INAVA: variants seen among roughly 807,000 people sequenced by gnomAD.
The protein encoded by INAVA is innate immunity activator.
INAVA carries 32 observed loss-of-function variants against 55.3 expected under a neutral mutation model. That is an observed-to-expected ratio of 0.58 (90% CI 0.44 to 0.78). The LOEUF is 0.78. Among genes scored for constraint, INAVA ranks in the 30% least tolerant of loss-of-function variants. The probability of loss-of-function intolerance (pLI) is 0.00; values close to 1 mark genes in which losing one functional copy is unlikely to be tolerated. For synonymous variants in INAVA, 294 were observed against 329.4 expected (o/e 0.89, Z 1.16); for missense variants, 756 against 786.4 (o/e 0.96, Z 0.46).
intron 5 of INAVA, 42 bp from the exon 6 acceptor site, chr1:200,907,792 T>C (rs1383522876): frequency 6.3e-7 from 1 of 1,577,290 alleles, no homozygotes. Context: ...TGTTTGTTCA[T>C]TTCTTCACTT....
intron 5 of INAVA, among the ~76,000 whole-genome samples, chr1:200,905,044 ATCTT>A (rs1346001931): frequency 2.0e-5 from 3 of 152,266 alleles, no homozygotes; most frequent in Admixed American, 6.5e-5. Context: ...CCCAATGAAA[ATCTT>A]TATTCCTAAG....
At position 200,899,485 on chromosome 1, in the gene INAVA, C is replaced by G; in HGVS notation, c.68C>G (p.Pro23Arg). Residue 23 changes from proline (P) to arginine (R), a missense_variant, in exon 3 of 10, where the codon CCG (proline) becomes CGG (arginine). This residue lies in a region of INAVA where 639 missense variants were observed against 624.3 expected (regional missense o/e 1.02). Transcript: ENST00000413687. ...CCAACCCTTGCAGGCCCCGACAGCC[C>G]GGTCTCCCCAATGAAGGAGCTGACC... is the stretch of plus-strand genomic sequence containing the variant. ...GIILQSGPDSPVSPMKELTHA... is the reference protein window; with the variant it reads ...GIILQSGPDSRVSPMKELTHA... 2 of 1,614,060 alleles carry G rather than the reference C, an allele frequency of 1.2e-6. No individual in the cohort carries two copies. Among genetic ancestry groups the G allele is most frequent in the Non-Finnish European group, 1.7e-6 (2 of 1,180,008 alleles).
chr1:200,908,985 T>C, intron 7 of INAVA, 45 bp downstream of exon 7: 1 of 1,571,810 alleles, frequency 6.4e-7, no homozygotes, highest in Non-Finnish European at 8.6e-7. Flanking sequence ...GGGCAGGGAG[T>C]CGGTGGGAGC....
At chr1:200,898,202 C>A in intron 1 of INAVA, 105 bp from the exon 2 acceptor site, 1 of 1,256,844 alleles carries the variant, frequency 8.0e-7, no homozygotes, top group Non-Finnish European at 1.1e-6. Flanking sequence ...TCCTGAAGCA[C>A]AGTCCTCCCT....
chr1:200,912,178 G>A, intron 9 of INAVA, 41 bp downstream of exon 9: 1 of 1,506,698 alleles, frequency 6.6e-7, no homozygotes, highest in Non-Finnish European at 8.9e-7. Flanking sequence ...AGGCAGGAGG[G>A]CTGTTTTGTT....
rs964625116 is a variant in INAVA at position 200,915,718 on chromosome 1, G to GT, written c.*2095dup. ...AGTGCTAAATACTTCAATAAAGTCT[G>GT]TTTTTTGTGATTGGCTGAGCTGGGG... On this transcript the variant is annotated 3_prime_UTR_variant, in exon 10 of 10. Coordinates refer to ENST00000413687, the MANE Select transcript of INAVA (RefSeq NM_001142569.3). 6.6e-6 allele frequency: 1 copy of GT among 152,160 alleles called. No individual in the cohort carries two copies. Among genetic ancestry groups the GT allele is most frequent in the South Asian group, 2.1e-4 (1 of 4,788 alleles). 9.4% of individuals were successfully genotyped at this position (152,160 alleles called of 1,614,324 possible). A position where few individuals can be genotyped will look rare whatever the true frequency, so the allele number is the denominator to read the frequency against.
chr1:200,901,863 T>C (rs1653268854), intron 5 of INAVA, among the ~76,000 whole-genome samples: 1 of 152,210 alleles, frequency 6.6e-6, no homozygotes, highest in Non-Finnish European at 1.5e-5. Context: ...GAGTTGTTGA[T>C]GCCCAGGTGC....
chr1:200,891,802 G>A, upstream of INAVA: 1 of 779,864 alleles, frequency 1.3e-6, no homozygotes, highest in East Asian at 3.3e-5. Flanking sequence ...GTGCCCTACA[G>A]GGAATGGGGT....
chr1:200,898,304 A>G lies in INAVA; in HGVS notation c.-94-3A>G, dbSNP rs146102170. Reference sequence around the variant, plus strand: ...TTGTTATTGTTCTCTTTTCTCTTTAAAGCTGGGGAAGCTCCAGGCTACCTA... The same window carrying G: ...TTGTTATTGTTCTCTTTTCTCTTTAGAGCTGGGGAAGCTCCAGGCTACCTA... On this transcript the variant is annotated splice_region_variant and splice_polypyrimidine_tract_variant and intron_variant, in intron 1 of 9. Transcript: ENST00000413687. 4 of 1,607,446 alleles carry G rather than the reference A, an allele frequency of 2.5e-6. No individual in the cohort carries two copies. Among genetic ancestry groups the G allele is most frequent in the Non-Finnish European group, 3.4e-6 (4 of 1,178,282 alleles).
At chr1:200,911,332 A>G in intron 8 of INAVA, 121 bp from the exon 9 acceptor site, 1 of 939,770 alleles carries the variant, frequency 1.1e-6, no homozygotes. Flanking sequence ...CCCTTGCACG[A>G]GGGCCATGCT....
intron 6 of INAVA, 133 bp downstream of exon 6, chr1:200,908,020 G>C (rs2102312573): frequency 1.6e-6 from 1 of 630,634 alleles, no homozygotes; most frequent in South Asian, 2.1e-5. Flanking sequence ...TTTCCGCTTG[G>C]ACTTCATGTC....
chr1:200,898,991 T>A (rs1433875744), intron 2 of INAVA, among the ~76,000 whole-genome samples: 2 of 152,100 alleles, frequency 1.3e-5, no homozygotes, highest in African/African-American at 4.8e-5. Flanking sequence ...AAAAAATATA[T>A]CATCTGGCCA....
intron 4 of INAVA, 45 bp from the exon 5 acceptor site, chr1:200,900,892 A>G: frequency 6.9e-7 from 1 of 1,457,410 alleles, no homozygotes; most frequent in Non-Finnish European, 9.2e-7. Context: ...CTGGGCCCCC[A>G]ATCTCCCTGC....
chr1:200,894,196 A>C (rs1668292859), upstream of INAVA, among the ~76,000 whole-genome samples: 1 of 151,964 alleles, frequency 6.6e-6, no homozygotes, highest in Non-Finnish European at 1.5e-5. Context: ...GTCACAGTGG[A>C]CCTCCTGTGG....
chr1:200,913,100 C>A (rs577101609), intron 9 of INAVA, among the ~76,000 whole-genome samples: 1 of 152,328 alleles, frequency 6.6e-6, no homozygotes, highest in African/African-American at 2.4e-5. Context: ...GCGTGTCCCT[C>A]CCCCACCCAC....
At position 200,911,518 on chromosome 1, in the gene INAVA, C is replaced by T; in HGVS notation, c.1025C>T (p.Thr342Ile). 1 of 1,613,924 alleles carries T rather than the reference C, an allele frequency of 6.2e-7. No homozygotes were observed. The highest frequency in any genetic ancestry group is 1.7e-5 in the Admixed American group (1 of 60,020). Reference sequence around the variant, plus strand: ...AGCGCCTTTCCCCGCCGCCGCCCCACTCACTACACGGTGACAGTGCCAGAT... The same window carrying T: ...AGCGCCTTTCCCCGCCGCCGCCCCATTCACTACACGGTGACAGTGCCAGAT... ...GRSAFPRRRPTHYTVTVPDSC... is the reference protein window; with the variant it reads ...GRSAFPRRRPIHYTVTVPDSC... Residue 342 changes from threonine (T) to isoleucine (I), a missense_variant, in exon 9 of 10, where the codon ACT (threonine) becomes ATT (isoleucine). Physicochemically the swap from Thr to Ile is moderately conservative, Grantham distance 89 (BLOSUM62 -1). Coordinates refer to ENST00000413687, the MANE Select transcript of INAVA (RefSeq NM_001142569.3).
At chr1:200,912,877 G>A (rs538249592) in intron 9 of INAVA, among the ~76,000 whole-genome samples, 86 of 152,264 alleles carry the variant, frequency 5.6e-4, no homozygotes, top group Non-Finnish European at 5.9e-5. Context: ...GCAGGCTGGA[G>A]GGTAGTATAT....
intron 1 of INAVA, among the ~76,000 whole-genome samples, chr1:200,896,069 C>T (rs1185506725): frequency 6.6e-6 from 1 of 152,124 alleles, no homozygotes; most frequent in African/African-American, 2.4e-5. Flanking sequence ...CTGGCGGAGA[C>T]GGGAGGCGTG....
upstream of INAVA, among the ~76,000 whole-genome samples, chr1:200,893,643 C>A (rs186604045): frequency 7.6e-4 from 115 of 152,254 alleles, 1 homozygote; most frequent in African/African-American, 2.8e-3. Flanking sequence ...TCAGCCTCAG[C>A]CTGGGCAGAA....
Sources: gnomAD v4.1 joint callset for allele counts (sites outside exome capture counted in the v4.1 genomes callset) on GRCh38, gnomAD v4.1.1 for gene constraint, gnomAD v4.1.1 regional missense constraint, MANE v1.5 for transcripts, NCBI Gene and HGNC (gene_info 2026-07-23, HGNC 2026-07-21) for gene names.